The following LDHC variants were observed in gnomAD, a reference collection of about 807,000 sequenced individuals.
The protein encoded by LDHC is L-lactate dehydrogenase C chain.
In LDHC, 20 loss-of-function variants were observed where a neutral mutation model predicts 30.2. The ratio of observed to expected loss-of-function variants is 0.66; its 90% CI spans 0.47 to 0.96. The LOEUF is 0.96. Ranked by LOEUF, LDHC falls within the 40% of genes least tolerant of loss-of-function variation. The pLI is 0.00. For missense variants in LDHC, 362 were observed against 394.9 expected, an observed-to-expected ratio of 0.92 and a Z score of 0.71; for synonymous variants, 139 against 132.7, an observed-to-expected ratio of 1.05 and a Z score of -0.32.
chr11:18,415,493 G>A (rs186664483), intron 3 of LDHC, among the ~76,000 whole-genome samples, 192 bp downstream of exon 3: 9 of 151,798 alleles, frequency 5.9e-5, no homozygotes, highest in East Asian at 3.9e-4. Flanking sequence ...GTGCAGTGGC[G>A]CGATCTTGGC....
At position 18,430,915 on chromosome 11, in the gene LDHC, G is replaced by A. The variant is rs1040309328; in HGVS notation, c.418+1005G>A. Reference sequence around the variant, plus strand: ...ATTGTGGCTCATGCCTGTAATCCTAGCACTTTGGGAGGCTGAGGCAGAAGG... The same window carrying A: ...ATTGTGGCTCATGCCTGTAATCCTAACACTTTGGGAGGCTGAGGCAGAAGG... On this transcript the variant is annotated intron_variant, in intron 4 of 7. Transcript: ENST00000541669. Among the ~76,000 whole-genome samples the A allele has an allele frequency of 1.1e-4, 16 of 152,096 alleles. 1 individual carries two copies. The highest frequency in any genetic ancestry group is 9.8e-4 in the Admixed American group (15 of 15,264).
chr11:18,435,458 T>C (rs1736893194), intron 5 of LDHC, among the ~76,000 whole-genome samples: 1 of 151,918 alleles, frequency 6.6e-6, no homozygotes, highest in South Asian at 2.1e-4. Context: ...TGCTTCCCCT[T>C]AGCCTTCTTC....
intron 4 of LDHC, among the ~76,000 whole-genome samples, chr11:18,432,871 C>T (rs981184996): frequency 6.6e-6 from 1 of 152,202 alleles, no homozygotes; most frequent in Non-Finnish European, 1.5e-5. Context: ...CTACTGAAGA[C>T]AGCAGATAGT....
At position 18,415,265 on chromosome 11, in the gene LDHC, CT is replaced by C; in HGVS notation, c.212del (p.Phe71SerfsTer21). The C allele has an allele frequency of 6.2e-7, 1 of 1,602,272 alleles. No individual in the cohort carries two copies. The highest frequency in any genetic ancestry group is 8.5e-7 in the Non-Finnish European group (1 of 1,170,074). On this transcript the variant is annotated frameshift_variant, in exon 3 of 8. Coordinates refer to ENST00000541669, the MANE Select transcript of LDHC (RefSeq NM_017448.5). LOFTEE classifies it high-confidence loss of function. Reference sequence around the variant, plus strand: ...AATGATGGATCTTCAGCATGGCAGTCTTTTCTTTAGTACTTCAAAGATTACT... The same window carrying C: ...AATGATGGATCTTCAGCATGGCAGTCTTTCTTTAGTACTTCAAAGATTACT... ...GEMMDLQHGS[L>X]FFSTSKITSG...
chr11:18,422,142 T>C (rs73436682), intron 3 of LDHC, among the ~76,000 whole-genome samples: 22,815 of 151,838 alleles, frequency 0.15, 1,982 homozygotes, highest in African/African-American at 0.22. Context: ...AAAAAATTAG[T>C]AAAGAGAAAG....
chr11:18,420,641 TAAAAAAAAAAA>T (rs11321502), intron 3 of LDHC, among the ~76,000 whole-genome samples: 1 of 72,354 alleles, frequency 1.4e-5, no homozygotes, highest in African/African-American at 5.7e-5. Context: ...TCTTGTCTCT[TAAAAAAAAAAA>T]AAAAAAAAAA....
chr11:18,449,207 G>A (rs545970253), intron 7 of LDHC, among the ~76,000 whole-genome samples: 11 of 152,096 alleles, frequency 7.2e-5, no homozygotes, highest in African/African-American at 2.4e-4. Context: ...GGTGGCAACA[G>A]AATGATCAAG....
chr11:18,445,190 CA>C (rs1848535030), intron 6 of LDHC, among the ~76,000 whole-genome samples: 2 of 151,522 alleles, frequency 1.3e-5, no homozygotes, highest in Admixed American at 1.3e-4. Flanking sequence ...AAGCTAGTAA[CA>C]ATTTTTTTTT....
intron 6 of LDHC, among the ~76,000 whole-genome samples, chr11:18,439,836 A>C (rs113685120): frequency 1.9e-4 from 26 of 137,474 alleles, no homozygotes; most frequent in African/African-American, 5.9e-4. Context: ...AAAAAAAAAA[A>C]CAAAAATTAG....
chr11:18,439,854 TG>T (rs1848432708), intron 6 of LDHC, among the ~76,000 whole-genome samples: 1 of 138,736 alleles, frequency 7.2e-6, no homozygotes, highest in African/African-American at 2.7e-5. Flanking sequence ...TAGCCAGCTG[TG>T]GTTGTGCGTG....
At chr11:18,426,207 C>T (rs1848159819) in intron 3 of LDHC, among the ~76,000 whole-genome samples, 1 of 151,666 alleles carries the variant, frequency 6.6e-6, no homozygotes, top group South Asian at 2.1e-4. Flanking sequence ...ACAGTGAGTC[C>T]AGGTGCATGG....
At chr11:18,418,559 A>G (rs1265571479) in intron 3 of LDHC, among the ~76,000 whole-genome samples, 1 of 151,852 alleles carries the variant, frequency 6.6e-6, no homozygotes, top group Non-Finnish European at 1.5e-5. Context: ...CCTCCCAAGC[A>G]GCTGGGATTA....
chr11:18,449,389 T>C (rs1848614883), intron 7 of LDHC, among the ~76,000 whole-genome samples: 1 of 122,404 alleles, frequency 8.2e-6, no homozygotes, highest in South Asian at 2.8e-4. Context: ...ACTGCACCAC[T>C]GCACTCCAGC....
At chr11:18,425,494 C>T (rs901127007) in intron 3 of LDHC, among the ~76,000 whole-genome samples, 6 of 151,906 alleles carry the variant, frequency 3.9e-5, no homozygotes, top group African/African-American at 1.4e-4. Context: ...GATTGTCGTG[C>T]CTCAGCCTCC....
At chr11:18,424,631 A>T (rs1848129365) in intron 3 of LDHC, among the ~76,000 whole-genome samples, 1 of 152,240 alleles carries the variant, frequency 6.6e-6, no homozygotes, top group Non-Finnish European at 1.5e-5. Flanking sequence ...AAACTACAGG[A>T]ACACACATTA....
At chr11:18,414,791 C>T in intron 2 of LDHC, among the ~76,000 whole-genome samples, 1 of 152,168 alleles carries the variant, frequency 6.6e-6, no homozygotes, top group South Asian at 2.1e-4. Context: ...TGTGCCACTG[C>T]ACTCCAGCCT....
intron 2 of LDHC, among the ~76,000 whole-genome samples, chr11:18,413,812 C>T (rs1186539828): frequency 6.6e-6 from 1 of 152,092 alleles, no homozygotes; most frequent in Non-Finnish European, 1.5e-5. Context: ...TGGAATCTGG[C>T]TATTGAAATC....
chr11:18,429,558 G>A (rs1366689663), intron 3 of LDHC, among the ~76,000 whole-genome samples, 179 bp from the exon 4 acceptor site: 1 of 152,132 alleles, frequency 6.6e-6, no homozygotes, highest in Non-Finnish European at 1.5e-5. Flanking sequence ...AAGTCATAGT[G>A]ACAAGGCTTC....
At chr11:18,446,602 G>C (rs193280504) in intron 7 of LDHC, among the ~76,000 whole-genome samples, 1 of 152,208 alleles carries the variant, frequency 6.6e-6, no homozygotes, top group Non-Finnish European at 1.5e-5. Context: ...ACTCAAACTA[G>C]CTTATGCAAA....
Sources: allele counts gnomAD v4.1 joint callset (sites outside exome capture counted in the v4.1 genomes callset), GRCh38; gene constraint gnomAD v4.1.1; transcripts MANE v1.5; gene names NCBI Gene and HGNC (gene_info 2026-07-23, HGNC 2026-07-21).